Variants in FUT8 observed in about 807,000 individuals in gnomAD.
The protein encoded by FUT8 is fucosyltransferase 8.
FUT8 carries 29 observed loss-of-function variants against 71.3 expected under a neutral mutation model. That is an observed-to-expected ratio of 0.41 (90% CI 0.30 to 0.55). The LOEUF (loss-of-function observed/expected upper bound fraction) is 0.55. FUT8 is among the 20% of genes least tolerant of loss of function. The probability of loss-of-function intolerance (pLI) is 0.34; values close to 1 mark genes in which losing one functional copy is unlikely to be tolerated. For synonymous variants in FUT8, 254 were observed against 239.3 expected, an observed-to-expected ratio of 1.06 and a Z score of -0.57; for missense variants, 544 against 702.1, an observed-to-expected ratio of 0.77 and a Z score of 2.55.
At chr14:65,575,736 G>A (rs1186163048) in intron 3 of FUT8, among the ~76,000 whole-genome samples, 5 of 151,430 alleles carry the variant, frequency 3.3e-5, no homozygotes, top group African/African-American at 9.7e-5. Flanking sequence ...CTCCCACCTC[G>A]GCCTCCCGAG....
At chr14:65,579,240 C>G (rs1409150630) in intron 3 of FUT8, among the ~76,000 whole-genome samples, 6 of 152,146 alleles carry the variant, frequency 3.9e-5, no homozygotes, top group Non-Finnish European at 8.8e-5. Context: ...CCAACACTGT[C>G]CTCTTTTATA....
chr14:65,687,799 T>C (rs1893371578), intron 7 of FUT8, among the ~76,000 whole-genome samples: 1 of 151,900 alleles, frequency 6.6e-6, no homozygotes, highest in African/African-American at 2.4e-5. Flanking sequence ...AGTGGTGCGA[T>C]CATAGCTCAC....
chr14:65,509,425 A>G (rs1364744110), intron 2 of FUT8, among the ~76,000 whole-genome samples: 1 of 151,928 alleles, frequency 6.6e-6, no homozygotes, highest in Non-Finnish European at 1.5e-5. Flanking sequence ...TTCCCTATAA[A>G]TTTTAGGGTT....
chr14:65,544,295 G>C (rs1884859123), intron 2 of FUT8, among the ~76,000 whole-genome samples: 1 of 152,090 alleles, frequency 6.6e-6, no homozygotes, highest in Admixed American at 6.5e-5. Flanking sequence ...TCACTTTTAT[G>C]CATATTATCA....
At chr14:65,624,072 C>T (rs1322927571) in intron 5 of FUT8, among the ~76,000 whole-genome samples, 1 of 152,088 alleles carries the variant, frequency 6.6e-6, no homozygotes, top group Non-Finnish European at 1.5e-5. Flanking sequence ...ATAAATACTG[C>T]AGGATGATAA....
At chr14:65,522,543 GTA>G (rs1229163718) in intron 2 of FUT8, among the ~76,000 whole-genome samples, 1 of 152,030 alleles carries the variant, frequency 6.6e-6, no homozygotes, top group African/African-American at 2.4e-5. Context: ...AGGAGTTCAT[GTA>G]TTCATTTAGG....
At chr14:65,598,482 A>G (rs1256213692) in intron 3 of FUT8, among the ~76,000 whole-genome samples, 1 of 152,118 alleles carries the variant, frequency 6.6e-6, no homozygotes, top group Non-Finnish European at 1.5e-5. Context: ...CGGCCTCCCA[A>G]AGTGCTAGGA....
the FUT8 span, among the ~76,000 whole-genome samples, chr14:65,363,129 C>G: frequency 1.3e-5 from 2 of 151,856 alleles, no homozygotes; most frequent in African/African-American, 4.8e-5. Context: ...AAAGGACTTT[C>G]TTTTCTTTTT....
intron 1 of FUT8, among the ~76,000 whole-genome samples, chr14:65,441,449 A>G (rs1435155262): frequency 6.6e-6 from 1 of 152,206 alleles, no homozygotes; most frequent in Non-Finnish European, 1.5e-5. Context: ...ATGTTTAAAA[A>G]TGAGTACAGG....
In FUT8 at chr14:65,430,197, T is replaced by C. The variant is rs1180401540; in HGVS notation, c.-326+16983T>C. On this transcript the variant is annotated intron_variant, in intron 1 of 10. Transcript: ENST00000673929. ...ACCACGCCCAGCTAATTTTTTTTTG[T>C]TTTTGATATTTTTTGTAGAGACAGG... 4 of 141,562 alleles carry C rather than the reference T, an allele frequency of 2.8e-5. No homozygotes were observed. The East Asian group carries it at 7.9e-4, about 28-fold the overall frequency. The allele number at this position is 141,562 out of a possible 1,614,324, so 8.8% of individuals were successfully genotyped here. A position where few individuals can be genotyped will look rare whatever the true frequency, so the allele number is the denominator to read the frequency against.
At chr14:65,463,366 A>T (rs2139593100) in intron 2 of FUT8, among the ~76,000 whole-genome samples, 1 of 152,220 alleles carries the variant, frequency 6.6e-6, no homozygotes, top group South Asian at 2.1e-4. Context: ...TCCTTGGCTC[A>T]GGTGATTCTC....
At chr14:65,723,668 C>T (rs1353887396) in intron 8 of FUT8, among the ~76,000 whole-genome samples, 1 of 152,118 alleles carries the variant, frequency 6.6e-6, no homozygotes, top group Non-Finnish European at 1.5e-5. Context: ...TACAAGCTGG[C>T]AGTTATGGTG....
At position 65,742,457 on chromosome 14, in the gene FUT8, C is replaced by A; in HGVS notation, c.*47C>A. 1 of 1,529,360 alleles carries A rather than the reference C, an allele frequency of 6.5e-7. No homozygotes were observed. Among genetic ancestry groups the A allele is most frequent in the East Asian group, 2.3e-5 (1 of 43,770 alleles). The allele number at this position is 1,529,360 out of a possible 1,614,324, so 94.7% of individuals were successfully genotyped here. A position where few individuals can be genotyped will look rare whatever the true frequency, so the allele number is the denominator to read the frequency against. ...CGACCAAACTCAGTTCGACCAAACT[C>A]AGTTCAAACCATTTCAGCCAAACTG... On this transcript the variant is annotated 3_prime_UTR_variant, in exon 11 of 11. Transcript: ENST00000673929.
the FUT8 span, among the ~76,000 whole-genome samples, chr14:65,370,464 TC>T: frequency 6.6e-6 from 1 of 151,694 alleles, no homozygotes; most frequent in South Asian, 2.1e-4. Context: ...TGCCTCGGCC[TC>T]CCAAAGTGCT....
At chr14:65,469,158 A>G (rs1284928079) in intron 2 of FUT8, among the ~76,000 whole-genome samples, 1 of 152,172 alleles carries the variant, frequency 6.6e-6, no homozygotes, top group Non-Finnish European at 1.5e-5. Context: ...CAGACTGGGT[A>G]ACAGTGAGAC....
intron 7 of FUT8, among the ~76,000 whole-genome samples, chr14:65,713,508 C>T (rs113584673): frequency 1.3e-4 from 20 of 152,278 alleles, no homozygotes; most frequent in African/African-American, 4.8e-4. Context: ...TACTAATTTA[C>T]ATTCCCACCA....
At chr14:65,589,355 T>C (rs555965313) in intron 3 of FUT8, among the ~76,000 whole-genome samples, 1 of 152,034 alleles carries the variant, frequency 6.6e-6, no homozygotes, top group African/African-American at 2.4e-5. Context: ...GCATAGAGAC[T>C]TAGAATTCTA....
At chr14:65,429,730 G>C (rs955749858) in intron 1 of FUT8, among the ~76,000 whole-genome samples, 1 of 151,906 alleles carries the variant, frequency 6.6e-6, no homozygotes, top group Non-Finnish European at 1.5e-5. Flanking sequence ...GGGTGTGGTG[G>C]TGTGTGCCTG....
At chr14:65,595,708 A>G (rs112040118) in intron 3 of FUT8, among the ~76,000 whole-genome samples, 1 of 138,754 alleles carries the variant, frequency 7.2e-6, no homozygotes, top group Non-Finnish European at 1.5e-5. Context: ...TCCCGGGTTC[A>G]TGCTGTTCTC....
Sources: allele counts gnomAD v4.1 joint callset (sites outside exome capture counted in the v4.1 genomes callset), GRCh38; gene constraint gnomAD v4.1.1; transcripts MANE v1.5; gene names NCBI Gene and HGNC (gene_info 2026-07-23, HGNC 2026-07-21).